The following HELZ variants were observed in gnomAD, a reference collection of about 807,000 sequenced individuals.
HELZ encodes the protein ATP-dependent RNA helicase with zinc finger domain.
Under a neutral mutation model 218.2 loss-of-function variants are expected in HELZ, and 23 were observed. The ratio of observed to expected loss-of-function variants is 0.11; its 90% CI spans 0.08 to 0.15. HELZ has a LOEUF of 0.15. Ranked by LOEUF, HELZ falls within the 10% of genes least tolerant of loss-of-function variation. The pLI, the probability that HELZ is intolerant of heterozygous loss-of-function variation, is 1.00. For synonymous variants in HELZ, 814 were observed against 829.4 expected, an observed-to-expected ratio of 0.98 and a Z score of 0.32; for missense variants, 1,813 against 2,353.7, an observed-to-expected ratio of 0.77 and a Z score of 4.75.
chr17:67,090,199 A>C (rs2036537722), intron 31 of HELZ, among the ~76,000 whole-genome samples: 1 of 152,120 alleles, frequency 6.6e-6, no homozygotes, highest in African/African-American at 2.4e-5. Context: ...GATTGTTAGA[A>C]TGGTGTATTA....
chr17:67,128,950 C>G (rs551666988), intron 23 of HELZ, 95 bp from the exon 24 acceptor site: 1 of 945,040 alleles, frequency 1.1e-6, no homozygotes, highest in African/African-American at 1.6e-5. Flanking sequence ...ATTCCACCCC[C>G]AACCTCAAAT....
chr17:67,109,158 T>G lies in HELZ; in HGVS notation c.4447A>C (p.Ile1483Leu). ...PILPSHLNSF[I>L]DENPSGLPIG... Reference sequence around the variant, plus strand: ...GGTAATCCCGAGGGGTTCTCATCAATGAAGCTATTCAGATGTGAAGGAAGA... The same window carrying G: ...GGTAATCCCGAGGGGTTCTCATCAAGGAAGCTATTCAGATGTGAAGGAAGA... Residue 1483 changes from isoleucine to leucine, a missense_variant, in exon 29 of 33, where the codon ATT becomes CTT. Physicochemically the swap from Ile to Leu is conservative, Grantham distance 5. This residue lies in a region of HELZ where 938 missense variants were observed against 1,027.5 expected (regional missense o/e 0.91). Transcript: ENST00000358691. The G allele has an allele frequency of 6.2e-7, 1 of 1,613,858 alleles. No homozygotes were observed. The highest frequency in any genetic ancestry group is 8.5e-7 in the Non-Finnish European group (1 of 1,180,004).
intron 3 of HELZ, chr17:67,224,893 CG>C: frequency 1.3e-6 from 1 of 755,636 alleles, no homozygotes. Context: ...GCCGATCTTC[CG>C]GAAGAAGGCT....
At position 67,107,294 on chromosome 17, in the gene HELZ, G is replaced by A; in HGVS notation, c.5116C>T (p.Pro1706Ser). The change falls in exon 31 of 33, where the codon CCT (proline) becomes TCT (serine). Residue 1706 changes from proline (P) to serine (S), a missense_variant. Coordinates refer to ENST00000358691, the MANE Select transcript of HELZ (RefSeq NM_014877.4). ...PGFPYGLPPL[P>S]HRPPQNPFVQ... is the part of the protein sequence containing the mutation. The stretch of plus-strand genomic sequence containing the variant: ...AAAGGGTTCTGCGGTGGCCTGTGAG[G>A]CAATGGAGGTAGGCCATAGGGAAAA... The A allele has an allele frequency of 6.2e-7, 1 of 1,614,194 alleles. No individual in the cohort carries two copies. The highest frequency in any genetic ancestry group is 8.5e-7 in the Non-Finnish European group (1 of 1,180,028).
intron 31 of HELZ, among the ~76,000 whole-genome samples, chr17:67,104,420 C>A (rs2037030606): frequency 1.4e-5 from 2 of 139,316 alleles, no homozygotes; most frequent in African/African-American, 2.6e-5. Context: ...GCCTGTGCAA[C>A]AGAGCGAGAC....
At chr17:67,101,908 G>A (rs890483452) in intron 31 of HELZ, among the ~76,000 whole-genome samples, 1 of 152,166 alleles carries the variant, frequency 6.6e-6, no homozygotes, top group Admixed American at 6.5e-5. Flanking sequence ...TCAATCTATT[G>A]GCAATTGGGG....
intron 7 of HELZ, among the ~76,000 whole-genome samples, chr17:67,199,210 C>CTTTTT (rs1156398239): frequency 6.5e-5 from 8 of 122,982 alleles, no homozygotes; most frequent in South Asian, 2.7e-4. Context: ...TTTGCCATTA[C>CTTTTT]TTTTTTTTTT....
intron 3 of HELZ, among the ~76,000 whole-genome samples, chr17:67,238,686 C>A (rs2041249214): frequency 6.6e-6 from 1 of 151,860 alleles, no homozygotes; most frequent in South Asian, 2.1e-4. Flanking sequence ...AACTCCGTCT[C>A]AAAAAAATAA....
At chr17:67,191,478 G>C (rs1449692826) in intron 9 of HELZ, among the ~76,000 whole-genome samples, 2 of 151,756 alleles carry the variant, frequency 1.3e-5, no homozygotes, top group Non-Finnish European at 2.9e-5. Context: ...TTTGGAGATA[G>C]TCTCGCTCTG....
At chr17:67,082,293 T>A (rs982192962) in intron 32 of HELZ, among the ~76,000 whole-genome samples, 2 of 152,200 alleles carry the variant, frequency 1.3e-5, no homozygotes, top group African/African-American at 4.8e-5. Context: ...GAGTTCAAAA[T>A]AAGTAAAAAA....
chr17:67,074,488 T>G lies in HELZ; in HGVS notation c.*3764A>C, dbSNP rs2035969301. The G allele has an allele frequency of 6.6e-6, 1 of 152,200 alleles. No homozygotes were observed. The highest frequency in any genetic ancestry group is 1.5e-5 in the Non-Finnish European group (1 of 68,020). The allele number at this position is 152,200 out of a possible 1,614,324, so 9.4% of individuals were successfully genotyped here. On this transcript the variant is annotated 3_prime_UTR_variant, in exon 33 of 33. Coordinates refer to ENST00000358691, the MANE Select transcript of HELZ (RefSeq NM_014877.4). ...AATACTAAAATTTATCTTGAAATTG[T>G]TCTTCACACCCTGACTCTTAACAAA...
chr17:67,222,626 G>A (rs1160427916), intron 3 of HELZ, among the ~76,000 whole-genome samples: 4 of 152,066 alleles, frequency 2.6e-5, no homozygotes, highest in African/African-American at 7.2e-5. Flanking sequence ...TCAATACAAC[G>A]CATGCTCCGT....
rs1254741880 is a variant in HELZ, at chr17:67,166,536, T to G, written c.1837A>C (p.Asn613His). The stretch of plus-strand genomic sequence containing the variant: ...CTGATGTCTGGAAACAAAACCCCAT[T>G]GTCCTTGATCCTGTCTAGTGCATAG... ...MHYALDRIKDNGVLFPDISMT... is the reference protein window; with the variant it reads ...MHYALDRIKDHGVLFPDISMT... The change falls in exon 15 of 33, where the codon AAT becomes CAT. Residue 613 changes from asparagine (N) to histidine (H), a missense_variant. By Grantham distance (68) the Asn-to-His change is moderately conservative. Around this residue, in one of 4 missense-constraint regions of HELZ, gnomAD observed 714 missense variants for 1,029.2 expected, o/e 0.69. Coordinates refer to ENST00000358691, the MANE Select transcript of HELZ (RefSeq NM_014877.4). 2 of 1,613,148 alleles carry G rather than the reference T, an allele frequency of 1.2e-6. No individual in the cohort carries two copies.
At chr17:67,221,846 T>G (rs1005436100) in intron 3 of HELZ, among the ~76,000 whole-genome samples, 13 of 150,700 alleles carry the variant, frequency 8.6e-5, no homozygotes, top group South Asian at 6.2e-4. Flanking sequence ...TTTTGTGTTT[T>G]TTTTTTTTTT....
intron 20 of HELZ, among the ~76,000 whole-genome samples, chr17:67,146,137 C>T (rs1348682727): frequency 1.3e-5 from 2 of 152,106 alleles, no homozygotes; most frequent in African/African-American, 4.8e-5. Flanking sequence ...GAAATGATGA[C>T]AGTTCAATAC....
intron 17 of HELZ, among the ~76,000 whole-genome samples, 169 bp from the exon 18 acceptor site, chr17:67,151,393 T>C (rs8068998): frequency 0.039 from 5,873 of 152,270 alleles, 391 homozygotes; most frequent in African/African-American, 0.13. Context: ...CAATTGCCAC[T>C]ATAACCACTG....
intron 3 of HELZ, among the ~76,000 whole-genome samples, chr17:67,231,664 G>A (rs2041040778): frequency 6.6e-6 from 1 of 151,108 alleles, no homozygotes; most frequent in Non-Finnish European, 1.5e-5. Context: ...GGAAACCTAA[G>A]ACATTAACAA....
chr17:67,211,839 C>T (rs2040458894), intron 5 of HELZ, among the ~76,000 whole-genome samples: 1 of 151,144 alleles, frequency 6.6e-6, no homozygotes, highest in South Asian at 2.1e-4. Context: ...CCAGCCTGAG[C>T]GACAGAACAA....
In HELZ at chr17:67,104,206, G is replaced by A. The variant is rs925752584; in HGVS notation, c.5241+2963C>T. Among the ~76,000 whole-genome samples the A allele has an allele frequency of 1.1e-4, 16 of 151,998 alleles. No homozygotes were observed. The East Asian group carries it at 2.3e-3, about 22-fold the overall frequency. Reference sequence around the variant, plus strand: ...TCCCAGCACTTTGGGAGGCCGAGGCGAGCAGATCACGAGGTCAGGAGATTG... The same window carrying A: ...TCCCAGCACTTTGGGAGGCCGAGGCAAGCAGATCACGAGGTCAGGAGATTG... On this transcript the variant is annotated intron_variant, in intron 31 of 32. Transcript: ENST00000358691.
Sources: allele counts gnomAD v4.1 joint callset (sites outside exome capture counted in the v4.1 genomes callset), GRCh38; gene constraint gnomAD v4.1.1; regional missense constraint gnomAD v4.1.1; transcripts MANE v1.5; gene names NCBI Gene and HGNC (gene_info 2026-07-23, HGNC 2026-07-21).